Variants in CFAP92 observed in about 807,000 individuals in gnomAD.
CFAP92 encodes cilia and flagella associated protein 92 (putative).
A neutral mutation model predicts 106.3 loss-of-function variants in CFAP92; 86 were observed. The observed-to-expected ratio is 0.81, with a 90% CI of 0.68 to 0.97. The LOEUF (loss-of-function observed/expected upper bound fraction) is 0.97, where lower values mean the gene tolerates loss of function less well. Ranked by LOEUF, CFAP92 falls within the 50% of genes least tolerant of loss-of-function variation. The pLI is 0.00. For missense variants in CFAP92, 1,204 were observed against 1,283.8 expected (o/e 0.94, Z 0.95); for synonymous variants, 477 against 506.4 (o/e 0.94, Z 0.78).
rs765143464 is a variant in CFAP92 at position 128,945,744 on chromosome 3, C to G, written c.1585G>C (p.Gly529Arg). ...AGGTATGAATCCAGAGGGTCCTCCC[C>G]AAACAGCACGGGCTTCTGAGAACAC... ...EECSQKPVLF[G>R]EDPLDSYLNF... Residue 529 changes from glycine to arginine, a missense_variant, in exon 10 of 16, where the codon GGG becomes CGG. By Grantham distance (125) the Gly-to-Arg change is moderately radical. Transcript: ENST00000645291. The G allele has an allele frequency of 1.8e-5, 28 of 1,535,614 alleles. 1 individual carries two copies. The South Asian group carries it at 2.0e-4, about 11-fold the overall frequency.
chr3:128,999,326 C>CTTACT (rs909955909), intron 1 of CFAP92, among the ~76,000 whole-genome samples: 3 of 152,178 alleles, frequency 2.0e-5, no homozygotes, highest in Non-Finnish European at 4.4e-5. Context: ...ATTATCAACC[C>CTTACT]TTACTTCCCT....
intron 2 of CFAP92, chr3:128,991,696 CA>C: frequency 1.1e-6 from 1 of 916,490 alleles, no homozygotes; most frequent in South Asian, 3.6e-5. Flanking sequence ...CGGCCTGCAC[CA>C]AGGCGTTCAT....
the CFAP92 span, among the ~76,000 whole-genome samples, chr3:129,025,160 G>A: frequency 6.6e-6 from 1 of 152,310 alleles, no homozygotes; most frequent in East Asian, 1.9e-4. Flanking sequence ...AGAGGCCAGA[G>A]CTGGAGATAA....
intron 12 of CFAP92, 23 bp downstream of exon 12, chr3:128,932,677 A>G (rs896361812): frequency 1.3e-6 from 2 of 1,519,046 alleles, no homozygotes; most frequent in African/African-American, 1.4e-5. Context: ...GGGAACCCCA[A>G]GTTGGGGAGG....
At chr3:128,969,933 G>A (rs1409944579) in intron 8 of CFAP92, 2 of 152,192 alleles carry the variant, frequency 1.3e-5, no homozygotes, top group Non-Finnish European at 2.9e-5. Context: ...CAAGCTGTAG[G>A]TGAAGTATCA....
chr3:129,002,188 G>A lies in CFAP92; in HGVS notation n.117+386C>T, dbSNP rs552349632. On this transcript the variant is annotated intron_variant and non_coding_transcript_variant, in intron 1 of 4. Transcript: ENST00000510149. ...CCGCGCCGCCGCCGCCGCCCGCCCT[G>A]CGCGCCTGGCCCCGACAGCGGTCCT... 3.4e-4 allele frequency: 509 copies of A among 1,498,110 alleles called. 2 individuals carry two copies. The Middle Eastern group carries it at 9.4e-3, about 28-fold the overall frequency. 92.8% of individuals were successfully genotyped at this position (1,498,110 alleles called of 1,614,324 possible). A position where few individuals can be genotyped will look rare whatever the true frequency, so the allele number is the denominator to read the frequency against.
At chr3:128,959,890 A>G (rs952571631) in intron 9 of CFAP92, among the ~76,000 whole-genome samples, 2 of 152,224 alleles carry the variant, frequency 1.3e-5, no homozygotes, top group Admixed American at 6.5e-5. Context: ...GATGGCCTGA[A>G]GTAACTGAAG....
chr3:128,935,179 G>A lies in CFAP92; in HGVS notation c.2399C>T (p.Ala800Val). 3.3e-6 allele frequency: 5 copies of A among 1,535,836 alleles called. No individual in the cohort carries two copies. The highest frequency in any genetic ancestry group is 4.4e-6 in the Non-Finnish European group (5 of 1,146,690). Residue 800 changes from alanine to valine, a missense_variant, in exon 11 of 16, where the codon GCG becomes GTG. Ala to Val is a moderately conservative substitution (Grantham distance 64). Coordinates refer to ENST00000645291, the MANE Select transcript of CFAP92 (RefSeq NM_001394090.1). The stretch of plus-strand genomic sequence containing the variant: ...CTCAGTGTCTCGCAGGAAGAACACC[G>A]CCTGCTGCAGCAGCAGCTCCGTGGG... ...FQPTELLLQQ[A>V]VFFLRDTERR...
At chr3:129,001,927 C>G in intron 1 of CFAP92, 1 of 1,539,636 alleles carries the variant, frequency 6.5e-7, no homozygotes, top group South Asian at 1.2e-5. Flanking sequence ...GGGCAGGCAG[C>G]AGGTGACGGG....
intron 10 of CFAP92, among the ~76,000 whole-genome samples, chr3:128,942,856 G>A (rs1182261839): frequency 5.5e-5 from 8 of 145,264 alleles, no homozygotes; most frequent in African/African-American, 1.8e-4. Flanking sequence ...TAATTTTTGT[G>A]TATTTAGTAG....
At chr3:128,976,545 C>T (rs1348566400) in intron 6 of CFAP92, among the ~76,000 whole-genome samples, 1 of 152,172 alleles carries the variant, frequency 6.6e-6, no homozygotes, top group Non-Finnish European at 1.5e-5. Context: ...CCCATAGCAT[C>T]CAAGGAGTCT....
At position 128,999,531 on chromosome 3, in the gene CFAP92, C is replaced by CTTTTT. The variant is rs5852556; in HGVS notation, n.117+3038_117+3042dup. ...GGCTGACATGAAATAAAATCAGGTT[C>CTTTTT]TTTTTTTTTTTTTTTTTTTTTTTTT... On this transcript the variant is annotated intron_variant and non_coding_transcript_variant, in intron 1 of 4. Transcript: ENST00000510149. Among the ~76,000 whole-genome samples the CTTTTT allele has an allele frequency of 1.2e-3, 89 of 71,582 alleles. 3 individuals carry two copies. The highest frequency in any genetic ancestry group is 1.5e-3 in the Non-Finnish European group (63 of 40,850). 47.0% of individuals were successfully genotyped at this position (71,582 alleles called of 152,430 possible).
At chr3:129,012,405 C>T in the CFAP92 span, among the ~76,000 whole-genome samples, 1 of 152,150 alleles carries the variant, frequency 6.6e-6, no homozygotes, top group South Asian at 2.1e-4. Flanking sequence ...CTCCAGCACT[C>T]TCCATCCACC....
chr3:128,991,716 C>G (rs1944229628), intron 2 of CFAP92: 1 of 995,928 alleles, frequency 1.0e-6, no homozygotes, highest in Admixed American at 5.8e-5. Context: ...ATTGAAACAG[C>G]ATGTTGCTCC....
chr3:128,911,404 G>A (rs1394382237), intron 15 of CFAP92, among the ~76,000 whole-genome samples: 3 of 152,122 alleles, frequency 2.0e-5, no homozygotes, highest in East Asian at 3.9e-4. Context: ...CTTTGCGCAG[G>A]ACCCCTGGCA....
rs377096690 is a variant in CFAP92 at position 128,956,994 on chromosome 3, A to AAAAAAAAAAG, written c.1353+8516_1353+8517insCTTTTTTTTT. ...GACTCTCTCAAAAAAAAAAAAAAAA[A>AAAAAAAAAAG]AAAGAAATCAACCCCATTCTATACC... On this transcript the variant is annotated intron_variant, in intron 9 of 15. Coordinates refer to ENST00000645291, the MANE Select transcript of CFAP92 (RefSeq NM_001394090.1). Among the ~76,000 whole-genome samples the AAAAAAAAAAG allele has an allele frequency of 1.9e-4, 24 of 129,054 alleles. 1 individual carries two copies. Among genetic ancestry groups the AAAAAAAAAAG allele is most frequent in the South Asian group, 4.7e-4 (2 of 4,228 alleles). The allele number at this position is 129,054 out of a possible 152,430, so 84.7% of individuals were successfully genotyped here. A position where few individuals can be genotyped will look rare whatever the true frequency, so the allele number is the denominator to read the frequency against.
At chr3:129,007,498 G>A (rs139988462), upstream of CFAP92, among the ~76,000 whole-genome samples, 1 of 152,330 alleles carries the variant, frequency 6.6e-6, no homozygotes, top group East Asian at 1.9e-4. Flanking sequence ...ACAGCTTGAA[G>A]CCATTTGGTT....
rs1435421077 is a variant in CFAP92 at position 128,975,822 on chromosome 3, T to C, written c.978A>G (p.Ser326=). The change falls in exon 7 of 16, where the codon TCA becomes TCG. Residue 326 remains serine, a synonymous_variant. Coordinates refer to ENST00000645291, the MANE Select transcript of CFAP92 (RefSeq NM_001394090.1). ...MEIKELIESE[S]LSSLTNILDR... ...CTAATATGTTTGTTAAGCTGCTAAGTGATTCACTCTCAATTAATTCCTTGA... is the reference window on the plus strand; with the variant it reads ...CTAATATGTTTGTTAAGCTGCTAAGCGATTCACTCTCAATTAATTCCTTGA... 8.1e-6 allele frequency: 13 copies of C among 1,607,968 alleles called. No individual in the cohort carries two copies. The highest frequency in any genetic ancestry group is 1.1e-5 in the Non-Finnish European group (13 of 1,176,972).
the CFAP92 span, among the ~76,000 whole-genome samples, chr3:129,018,505 G>A: frequency 0.072 from 11,032 of 152,290 alleles, 1,150 homozygotes; most frequent in African/African-American, 0.22. Flanking sequence ...CTGCTCCTGT[G>A]CAGAGTGGAG....
Sources: gnomAD v4.1 joint callset for allele counts (sites outside exome capture counted in the v4.1 genomes callset) on GRCh38, gnomAD v4.1.1 for gene constraint, MANE v1.5 for transcripts, NCBI Gene and HGNC (gene_info 2026-07-23, HGNC 2026-07-21) for gene names.